CD8B2: variants seen among roughly 807,000 people sequenced by gnomAD.
The protein encoded by CD8B2 is CD8B family member 2.
A neutral mutation model predicts 23.7 loss-of-function variants in CD8B2; 11 were observed. The ratio of observed to expected loss-of-function variants is 0.46; its 90% confidence interval spans 0.29 to 0.77. The LOEUF (loss-of-function observed/expected upper bound fraction) is 0.77. Ranked by LOEUF, CD8B2 falls within the 30% of genes least tolerant of loss-of-function variation. CD8B2 has a pLI of 0.09. For missense variants in CD8B2, 197 were observed against 270.5 expected (o/e 0.73, Z 1.91); for synonymous variants, 90 against 109.3 (o/e 0.82, Z 1.10).
In CD8B2 at chr2:106,496,199, CCCACCAAGAAGT is replaced by C; in HGVS notation, c.436_447del (p.Lys146_Thr149del). ...TGATTTCCTTCCCACCACTGCCCAG[CCCACCAAGAAGT>C]CCACCCTCAAGAAGAGAGTGTGCCG... On this transcript the variant is annotated inframe_deletion, in exon 3 of 6. Transcript: ENST00000643224. 1 of 1,544,414 alleles carries C rather than the reference CCCACCAAGAAGT, an allele frequency of 6.5e-7. No individual in the cohort carries two copies. Among genetic ancestry groups the C allele is most frequent in the Admixed American group, 2.0e-5 (1 of 49,826 alleles).
intron 5 of CD8B2, among the ~76,000 whole-genome samples, chr2:106,538,369 G>C (rs557603162): frequency 2.6e-5 from 4 of 152,210 alleles, no homozygotes; most frequent in South Asian, 4.1e-4. Context: ...TGCTTGAAAC[G>C]GTACACAAAT....
chr2:106,518,003 C>A (rs960661087), intron 5 of CD8B2, among the ~76,000 whole-genome samples: 17 of 152,254 alleles, frequency 1.1e-4, no homozygotes, highest in African/African-American at 3.9e-4. Flanking sequence ...CGGGAGCCAC[C>A]GCGCCCAGCC....
rs1481520360 is a variant in CD8B2 at position 106,527,908 on chromosome 2, C to T, written c.621-16084C>T. On this transcript the variant is annotated intron_variant, in intron 5 of 5. Transcript: ENST00000416057. ...AGTGGGGGACCATCCTCCACACCCC[C>T]TCTCTGCTGAAAGCTGTTTCATGGC... Among the ~76,000 whole-genome samples the T allele has an allele frequency of 2.0e-5, 3 of 152,258 alleles. No individual in the cohort carries two copies. In the East Asian group the frequency reaches 5.8e-4, roughly 29 times the overall value.
intron 5 of CD8B2, among the ~76,000 whole-genome samples, chr2:106,517,524 T>C (rs1679746941): frequency 6.6e-6 from 1 of 151,918 alleles, no homozygotes; most frequent in African/African-American, 2.4e-5. Context: ...AACACCAACA[T>C]GAAAATCCAA....
At chr2:106,514,279 C>T (rs529209156), downstream of CD8B2, among the ~76,000 whole-genome samples, 4 of 124,884 alleles carry the variant, frequency 3.2e-5, no homozygotes, top group African/African-American at 6.0e-5. Context: ...TGCAGGGGAA[C>T]GCTTGTCTTT....
chr2:106,501,050 G>A (rs1031884159), intron 3 of CD8B2, among the ~76,000 whole-genome samples: 16 of 152,164 alleles, frequency 1.1e-4, no homozygotes, highest in Admixed American at 2.6e-4. Context: ...AGTCAGTGCC[G>A]CCTTTTAGGG....
downstream of CD8B2, among the ~76,000 whole-genome samples, chr2:106,515,086 A>T (rs1679708751): frequency 6.6e-6 from 1 of 152,154 alleles, no homozygotes; most frequent in South Asian, 2.1e-4. Context: ...CTTTCGCAAC[A>T]CTCTTACAGA....
intron 5 of CD8B2, among the ~76,000 whole-genome samples, chr2:106,524,445 G>T (rs1408228379): frequency 2.0e-5 from 3 of 152,140 alleles, no homozygotes; most frequent in African/African-American, 7.2e-5. Context: ...CTGGAGAACT[G>T]CCCTCAGCCG....
chr2:106,529,058 C>T lies in CD8B2; in HGVS notation c.621-14934C>T, dbSNP rs994926750. Among the ~76,000 whole-genome samples the T allele has an allele frequency of 7.2e-5, 11 of 152,252 alleles. No individual in the cohort carries two copies. In the East Asian group the frequency reaches 9.6e-4, roughly 13 times the overall value. On this transcript the variant is annotated intron_variant, in intron 5 of 5. Coordinates refer to the CD8B2 transcript ENST00000416057. The stretch of plus-strand genomic sequence containing the variant: ...CCTGAGCTCTGCAGCTTCTTGAGGG[C>T]GGCACAGGCAGCAGCTCCCTTGGAA...
intron 5 of CD8B2, among the ~76,000 whole-genome samples, chr2:106,536,862 T>C (rs942285644): frequency 1.3e-5 from 2 of 152,216 alleles, no homozygotes; most frequent in Non-Finnish European, 2.9e-5. Context: ...TTACTGATCA[T>C]GCCCTCACTG....
Position 106,507,035 on chromosome 2 carries a change from G to A in CD8B2, c.*95G>A, listed in dbSNP as rs908740170. The A allele has an allele frequency of 6.3e-5, 95 of 1,502,788 alleles. No individual in the cohort carries two copies. The African/African-American group carries it at 1.1e-3, about 18-fold the overall frequency. The allele number at this position is 1,502,788 out of a possible 1,614,324, so 93.1% of individuals were successfully genotyped here. ...TGAGAGAAGGGACACATTCAACCCT[G>A]GAGAGTTCAATGGCTGCTGAAGCTG... is the stretch of plus-strand genomic sequence containing the variant. On this transcript the variant is annotated 3_prime_UTR_variant, in exon 6 of 6. Transcript: ENST00000643224.
intron 5 of CD8B2, among the ~76,000 whole-genome samples, chr2:106,520,162 T>C (rs544033026): frequency 1.3e-5 from 2 of 152,362 alleles, no homozygotes; most frequent in East Asian, 3.9e-4. Context: ...TAGTTCATTC[T>C]TCATTTTATA....
rs191391138 is a variant in CD8B2 at position 106,491,112 on chromosome 2, G to A, written c.282G>A (p.Arg94=). The change falls in exon 2 of 6, where the codon CGG becomes CGA. Residue 94 remains arginine, a synonymous_variant. Transcript: ENST00000643224. ...AACAGGAGAAGATAGCTGTGTTTCG[G>A]GATGCAAGCCGGTTCATTCTCAATC... The part of the protein sequence containing the change: ...EVEQEKIAVF[R]DASRFILNLT... The A allele has an allele frequency of 1.2e-3, 1,919 of 1,613,892 alleles. 26 individuals are homozygous for A. The highest frequency in any genetic ancestry group is 4.7e-4 in the South Asian group (43 of 91,068).
intron 5 of CD8B2, among the ~76,000 whole-genome samples, chr2:106,529,543 C>T (rs1040348003): frequency 5.9e-5 from 9 of 152,216 alleles, no homozygotes; most frequent in Admixed American, 5.9e-4. Flanking sequence ...AGTTAATCTA[C>T]CACCTGCCCT....
chr2:106,527,639 G>T (rs1267761117), intron 5 of CD8B2, among the ~76,000 whole-genome samples: 1 of 152,078 alleles, frequency 6.6e-6, no homozygotes, highest in African/African-American at 2.4e-5. Context: ...AAAAAAATTA[G>T]CTGGGCGTGG....
intron 5 of CD8B2, among the ~76,000 whole-genome samples, chr2:106,528,819 G>T (rs1182637703): frequency 1.3e-5 from 2 of 152,138 alleles, no homozygotes; most frequent in Non-Finnish European, 2.9e-5. Context: ...TTTCATTTAG[G>T]TTCCACCAAT....
chr2:106,519,285 A>G (rs1679781530), intron 5 of CD8B2, among the ~76,000 whole-genome samples: 1 of 152,170 alleles, frequency 6.6e-6, no homozygotes, highest in African/African-American at 2.4e-5. Context: ...CTTGGGGGAT[A>G]GTGGGTGATC....
In CD8B2 at chr2:106,496,652, C is replaced by A. The variant is rs925490263; in HGVS notation, c.493+390C>A. On this transcript the variant is annotated intron_variant, in intron 3 of 5. Transcript: ENST00000643224. ...ATAATAAAGAATAAAATGAAAGGAGCCAGTCACAAAAATCCATATACTATA... is the reference window on the plus strand; with the variant it reads ...ATAATAAAGAATAAAATGAAAGGAGACAGTCACAAAAATCCATATACTATA... Among the ~76,000 whole-genome samples the A allele has an allele frequency of 3.3e-5, 5 of 151,804 alleles. No individual in the cohort carries two copies. The South Asian group carries it at 8.3e-4, about 25-fold the overall frequency.
chr2:106,543,769 A>G (rs1445026431), intron 5 of CD8B2, among the ~76,000 whole-genome samples: 1 of 152,238 alleles, frequency 6.6e-6, no homozygotes, highest in African/African-American at 2.4e-5. Context: ...GCCCTGGACC[A>G]TGGAGAACCC....
Sources: gnomAD v4.1 joint callset for allele counts (sites outside exome capture counted in the v4.1 genomes callset) on GRCh38, gnomAD v4.1.1 for gene constraint, MANE v1.5 for transcripts, NCBI Gene and HGNC (gene_info 2026-07-23, HGNC 2026-07-21) for gene names.